The following CRIM1 variants were observed in gnomAD, a reference collection of about 807,000 sequenced individuals.
The protein encoded by CRIM1 is cysteine rich transmembrane BMP regulator 1.
In CRIM1, 32 loss-of-function variants were observed where a neutral mutation model predicts 116.4. That is an observed-to-expected ratio of 0.27 (90% confidence interval 0.21 to 0.37). The LOEUF (loss-of-function observed/expected upper bound fraction) is 0.37, where lower values mean the gene tolerates loss of function less well. CRIM1 is among the 10% of genes least tolerant of loss of function. The pLI is 1.00. For missense variants in CRIM1, 1,331 were observed against 1,354.8 expected (o/e 0.98, Z 0.28); for synonymous variants, 590 against 509.2 (o/e 1.16, Z -2.13).
At chr2:36,370,267 A>G (rs768539529) in intron 1 of CRIM1, among the ~76,000 whole-genome samples, 2 of 151,838 alleles carry the variant, frequency 1.3e-5, no homozygotes, top group Non-Finnish European at 2.9e-5. Flanking sequence ...GAAACTTTAA[A>G]TGTGACAGCA....
chr2:36,475,437 C>T (rs1678895582), intron 5 of CRIM1, among the ~76,000 whole-genome samples: 1 of 152,218 alleles, frequency 6.6e-6, no homozygotes, highest in African/African-American at 2.4e-5. Context: ...TTGTACTCTG[C>T]AACCTTGTTG....
intron 1 of CRIM1, among the ~76,000 whole-genome samples, chr2:36,374,185 G>A (rs1670144625): frequency 6.6e-6 from 1 of 152,202 alleles, no homozygotes; most frequent in African/African-American, 2.4e-5. Context: ...TTGCATGAGG[G>A]AAGAGGCCTT....
At chr2:36,384,110 T>G (rs891580409) in intron 1 of CRIM1, among the ~76,000 whole-genome samples, 2 of 152,154 alleles carry the variant, frequency 1.3e-5, no homozygotes, top group Admixed American at 1.3e-4. Flanking sequence ...GGTATCTGGT[T>G]TGCAGTTTTA....
At chr2:36,450,352 C>T (rs190610482) in intron 4 of CRIM1, among the ~76,000 whole-genome samples, 18 of 152,248 alleles carry the variant, frequency 1.2e-4, no homozygotes, top group Admixed American at 1.0e-3. Context: ...TCCCTGAGGT[C>T]GGATTGTGTG....
intron 2 of CRIM1, among the ~76,000 whole-genome samples, chr2:36,409,207 T>C (rs1673033962): frequency 2.0e-5 from 3 of 152,186 alleles, no homozygotes; most frequent in Admixed American, 6.5e-5. Context: ...ATTGCCAAAT[T>C]TGTCTTTTTC....
At chr2:36,506,272 G>A (rs1484751193) in intron 8 of CRIM1, among the ~76,000 whole-genome samples, 3 of 151,954 alleles carry the variant, frequency 2.0e-5, no homozygotes, top group Non-Finnish European at 4.4e-5. Flanking sequence ...TCTTTGGGAT[G>A]TGAGAGTACC....
chr2:36,417,605 C>G (rs1673719199), intron 2 of CRIM1, among the ~76,000 whole-genome samples: 1 of 152,116 alleles, frequency 6.6e-6, no homozygotes, highest in Non-Finnish European at 1.5e-5. Flanking sequence ...AGACCTATCT[C>G]CACTGCATCT....
intron 2 of CRIM1, among the ~76,000 whole-genome samples, chr2:36,431,618 C>CTA (rs1553382601): frequency 6.6e-6 from 1 of 152,186 alleles, no homozygotes; most frequent in Non-Finnish European, 1.5e-5. Context: ...ACTAAAAACT[C>CTA]TATAGAGTGT....
At chr2:36,364,126 A>G (rs952082231) in intron 1 of CRIM1, among the ~76,000 whole-genome samples, 7 of 152,146 alleles carry the variant, frequency 4.6e-5, no homozygotes, top group Non-Finnish European at 1.0e-4. Flanking sequence ...CTGAAATTTT[A>G]GTGTGCACAC....
chr2:36,440,515 G>A (rs1404946462), intron 2 of CRIM1, among the ~76,000 whole-genome samples: 1 of 152,152 alleles, frequency 6.6e-6, no homozygotes, highest in Non-Finnish European at 1.5e-5. Context: ...AGAAGCCAGG[G>A]CTTTGCTCCT....
At chr2:36,523,483 C>T (rs990660080) in intron 13 of CRIM1, among the ~76,000 whole-genome samples, 10 of 152,174 alleles carry the variant, frequency 6.6e-5, no homozygotes, top group African/African-American at 1.7e-4. Flanking sequence ...GATGCTGTTC[C>T]GAGGTCCAAA....
chr2:36,407,696 T>C (rs1672912153), intron 2 of CRIM1, among the ~76,000 whole-genome samples: 1 of 133,398 alleles, frequency 7.5e-6, no homozygotes, highest in South Asian at 2.5e-4. Flanking sequence ...TGATTTCTTG[T>C]GCCCGTCAAA....
chr2:36,408,799 A>G (rs959341921), intron 2 of CRIM1, among the ~76,000 whole-genome samples: 2 of 152,218 alleles, frequency 1.3e-5, no homozygotes, highest in African/African-American at 2.4e-5. Flanking sequence ...AAGAAAAAAA[A>G]AAAGTCTGTG....
chr2:36,357,248 C>T (rs1388096881), intron 1 of CRIM1, among the ~76,000 whole-genome samples: 1 of 152,032 alleles, frequency 6.6e-6, no homozygotes, highest in Non-Finnish European at 1.5e-5. Context: ...ATTTATTTGC[C>T]CATTGTAAAC....
intron 8 of CRIM1, among the ~76,000 whole-genome samples, chr2:36,504,737 A>G (rs1238540345): frequency 6.6e-6 from 1 of 152,260 alleles, no homozygotes; most frequent in African/African-American, 2.4e-5. Context: ...GCTTTTAACA[A>G]CATTGCTCTT....
intron 13 of CRIM1, among the ~76,000 whole-genome samples, chr2:36,530,179 A>G (rs1666018102): frequency 6.6e-6 from 1 of 152,158 alleles, no homozygotes; most frequent in Admixed American, 6.5e-5. Context: ...CCTCATTGAA[A>G]TTGTCTAGGC....
intron 4 of CRIM1, among the ~76,000 whole-genome samples, chr2:36,463,297 T>C (rs1425284949): frequency 6.6e-6 from 1 of 152,182 alleles, no homozygotes; most frequent in Admixed American, 6.5e-5. Flanking sequence ...TATAAGCATA[T>C]TTTAATTTAT....
chr2:36,442,625 G>C lies in CRIM1; in HGVS notation c.759G>C (p.Val253=), dbSNP rs371812748. Residue 253 remains valine, a synonymous_variant, in exon 4 of 17, where the codon GTG becomes GTC. Coordinates refer to ENST00000280527, the MANE Select transcript of CRIM1 (RefSeq NM_016441.3). Reference sequence around the variant, plus strand: ...GTTTGCCCCTTTCAGTTTTCGGCGTGGACTGCAGGACTGTGGAATGCCCTC... The same window carrying C: ...GTTTGCCCCTTTCAGTTTTCGGCGTCGACTGCAGGACTGTGGAATGCCCTC... The part of the protein sequence containing the change: ...DLYECKPVFG[V]DCRTVECPPV... The C allele has an allele frequency of 5.6e-6, 9 of 1,613,874 alleles. No individual in the cohort carries two copies. In the African/African-American group the frequency reaches 1.2e-4, roughly 22 times the overall value.
intron 8 of CRIM1, among the ~76,000 whole-genome samples, chr2:36,501,277 T>TA (rs1193147426): frequency 6.6e-6 from 1 of 152,240 alleles, no homozygotes; most frequent in Non-Finnish European, 1.5e-5. Flanking sequence ...TCTCAGGCTT[T>TA]AACATACCAC....
Sources: gnomAD v4.1 joint callset for allele counts (sites outside exome capture counted in the v4.1 genomes callset) on GRCh38, gnomAD v4.1.1 for gene constraint, MANE v1.5 for transcripts, NCBI Gene and HGNC (gene_info 2026-07-23, HGNC 2026-07-21) for gene names.